Variants in CSMD1 observed in about 807,000 individuals in gnomAD.
CSMD1 encodes CUB and sushi domain-containing protein 1.
CSMD1 carries 213 observed loss-of-function variants against 417.5 expected under a neutral mutation model. The observed-to-expected ratio is 0.51, with a 90% CI of 0.46 to 0.57. The LOEUF (loss-of-function observed/expected upper bound fraction) is 0.57, where lower values mean the gene tolerates loss of function less well. CSMD1 is among the 20% of genes least tolerant of loss of function. The probability of loss-of-function intolerance (pLI) is 0.00; values close to 1 mark genes in which losing one functional copy is unlikely to be tolerated. For synonymous variants in CSMD1, 2,862 were observed against 1,736.8 expected, an observed-to-expected ratio of 1.65 and a Z score of -16.11; for missense variants, 6,923 against 4,529.7, an observed-to-expected ratio of 1.53 and a Z score of -15.17.
At chr8:3,677,186 C>T (rs2624104) in intron 7 of CSMD1, among the ~76,000 whole-genome samples, 1 of 152,058 alleles carries the variant, frequency 6.6e-6, no homozygotes, top group African/African-American at 2.4e-5. Context: ...AAAAGAAACA[C>T]GTATATAAGA....
chr8:3,901,425 G>A (rs868155100), intron 5 of CSMD1, among the ~76,000 whole-genome samples: 1 of 152,262 alleles, frequency 6.6e-6, no homozygotes, highest in Non-Finnish European at 1.5e-5. Flanking sequence ...CCGTGCTGAT[G>A]CATTTTTTGG....
intron 1 of CSMD1, among the ~76,000 whole-genome samples, chr8:4,767,813 C>A (rs1051901988): frequency 6.6e-6 from 1 of 152,068 alleles, no homozygotes; most frequent in Admixed American, 6.5e-5. Context: ...CTTATTTACC[C>A]GAGGCACTGG....
At chr8:4,157,369 G>A (rs1796892280) in intron 3 of CSMD1, among the ~76,000 whole-genome samples, 1 of 152,152 alleles carries the variant, frequency 6.6e-6, no homozygotes, top group African/African-American at 2.4e-5. Flanking sequence ...TGAAGAAAAT[G>A]TTTATTCACG....
At chr8:3,441,199 G>T (rs934142771) in intron 12 of CSMD1, among the ~76,000 whole-genome samples, 29 of 152,240 alleles carry the variant, frequency 1.9e-4, no homozygotes, top group African/African-American at 7.0e-4. Context: ...CTCCCCGGGA[G>T]ATCTGGCAGG....
intron 1 of CSMD1, among the ~76,000 whole-genome samples, chr8:4,800,295 G>A (rs1471206339): frequency 6.6e-6 from 1 of 151,984 alleles, no homozygotes; most frequent in African/African-American, 2.4e-5. Context: ...GCTGGGCATG[G>A]TGGTGCACAC....
chr8:4,065,823 T>A (rs1236398431), intron 3 of CSMD1, among the ~76,000 whole-genome samples: 1 of 152,186 alleles, frequency 6.6e-6, no homozygotes, highest in African/African-American at 2.4e-5. Flanking sequence ...GGAGTTTTCT[T>A]TTTTTGGAAT....
At chr8:4,311,004 A>T (rs1298246047) in intron 3 of CSMD1, among the ~76,000 whole-genome samples, 1 of 152,202 alleles carries the variant, frequency 6.6e-6, no homozygotes, top group Non-Finnish European at 1.5e-5. Flanking sequence ...AGATAATAGA[A>T]AGTGGCAAGG....
intron 3 of CSMD1, among the ~76,000 whole-genome samples, chr8:4,233,523 G>C (rs1037714136): frequency 6.6e-6 from 1 of 152,168 alleles, no homozygotes; most frequent in Admixed American, 6.6e-5. Flanking sequence ...TATAAAAGAG[G>C]ACGCAGAGAG....
At chr8:4,197,974 A>C (rs1248379075) in intron 3 of CSMD1, among the ~76,000 whole-genome samples, 3 of 152,196 alleles carry the variant, frequency 2.0e-5, no homozygotes, top group Non-Finnish European at 4.4e-5. Flanking sequence ...TGACTCTGGG[A>C]ATAAAGTAAT....
intron 49 of CSMD1, among the ~76,000 whole-genome samples, chr8:3,082,708 G>C (rs964094277): frequency 1.3e-5 from 2 of 152,308 alleles, no homozygotes; most frequent in South Asian, 2.1e-4. Context: ...CAGACACATA[G>C]TTAACATCGC....
intron 3 of CSMD1, among the ~76,000 whole-genome samples, chr8:4,403,612 C>G (rs565591267): frequency 1.3e-5 from 2 of 152,158 alleles, no homozygotes; most frequent in Non-Finnish European, 2.9e-5. Flanking sequence ...AGAACTCCCC[C>G]TTTTCACCAT....
intron 1 of CSMD1, among the ~76,000 whole-genome samples, chr8:4,780,563 T>C (rs531860179): frequency 2.7e-5 from 4 of 150,056 alleles, no homozygotes; most frequent in Non-Finnish European, 5.9e-5. Flanking sequence ...GTAATTATTA[T>C]TATTTATATT....
At chr8:3,869,099 G>T (rs905924514) in intron 5 of CSMD1, among the ~76,000 whole-genome samples, 6 of 152,156 alleles carry the variant, frequency 3.9e-5, no homozygotes, top group African/African-American at 1.4e-4. Flanking sequence ...GGTGTCTAGT[G>T]TCACTCTCCT....
At chr8:4,444,793 C>T (rs773681990) in intron 2 of CSMD1, among the ~76,000 whole-genome samples, 5 of 152,086 alleles carry the variant, frequency 3.3e-5, no homozygotes, top group Admixed American at 2.0e-4. Flanking sequence ...ACATATTATT[C>T]CAGATAATCA....
chr8:4,858,545 C>G (rs1482751993), intron 1 of CSMD1, among the ~76,000 whole-genome samples: 1 of 152,178 alleles, frequency 6.6e-6, no homozygotes, highest in Non-Finnish European at 1.5e-5. Context: ...TCTCCTTAAG[C>G]TGATAAACAA....
rs904045685 is a variant in CSMD1 at position 4,968,096 on chromosome 8, G to C, written c.85+26236C>G. On this transcript the variant is annotated intron_variant, in intron 1 of 69. Coordinates refer to ENST00000635120, the MANE Select transcript of CSMD1 (RefSeq NM_033225.6). The stretch of plus-strand genomic sequence containing the variant: ...GAGAAATATAATTTGTTTCATGATG[G>C]ATTTCCATTCAAATATGAAAGAGAA... Among the ~76,000 whole-genome samples, 3 of 152,010 alleles carry C rather than the reference G, an allele frequency of 2.0e-5. 1 individual carries two copies. The highest frequency in any genetic ancestry group is 4.4e-5 in the Non-Finnish European group (3 of 67,994).
At chr8:4,075,776 G>A (rs1799789558) in intron 3 of CSMD1, among the ~76,000 whole-genome samples, 1 of 152,114 alleles carries the variant, frequency 6.6e-6, no homozygotes, top group Non-Finnish European at 1.5e-5. Flanking sequence ...CCCTAGCCAG[G>A]TTTCTCAAGA....
At chr8:3,511,500 A>G (rs1797065371) in intron 10 of CSMD1, among the ~76,000 whole-genome samples, 1 of 151,752 alleles carries the variant, frequency 6.6e-6, no homozygotes, top group Admixed American at 6.6e-5. Flanking sequence ...CACGGCTGTA[A>G]TCCCTGCACT....
chr8:3,608,551 C>T (rs1801732508), intron 8 of CSMD1, among the ~76,000 whole-genome samples: 1 of 152,024 alleles, frequency 6.6e-6, no homozygotes, highest in East Asian at 1.9e-4. Flanking sequence ...ATCACGAGGT[C>T]AGGAGTTTGA....
Sources: allele counts gnomAD v4.1 joint callset (sites outside exome capture counted in the v4.1 genomes callset), GRCh38; gene constraint gnomAD v4.1.1; transcripts MANE v1.5; gene names NCBI Gene and HGNC (gene_info 2026-07-23, HGNC 2026-07-21).